PML: variants seen among roughly 807,000 people sequenced by gnomAD.
PML encodes PML nuclear body scaffold, also known as protein PML.
In PML, 28 loss-of-function variants were observed where a neutral mutation model predicts 65.2. That is an observed-to-expected ratio of 0.43 (90% CI 0.32 to 0.59). The LOEUF is 0.59. PML is among the 20% of genes least tolerant of loss of function. PML has a pLI of 0.08. For synonymous variants in PML, 500 were observed against 508.8 expected, an observed-to-expected ratio of 0.98 and a Z score of 0.23; for missense variants, 1,021 against 1,203.4, an observed-to-expected ratio of 0.85 and a Z score of 2.24.
intron 1 of PML, among the ~76,000 whole-genome samples, 194 bp from the exon 2 acceptor site, chr15:73,997,810 G>A (rs1162360391): frequency 6.6e-6 from 1 of 152,198 alleles, no homozygotes; most frequent in Non-Finnish European, 1.5e-5. Flanking sequence ...CTCAATAAAT[G>A]GTGCAGTGAG....
chr15:74,039,694 A>G (rs1390989245), intron 7 of PML, among the ~76,000 whole-genome samples: 1 of 152,164 alleles, frequency 6.6e-6, no homozygotes, highest in Non-Finnish European at 1.5e-5. Flanking sequence ...CCTGGGCCTC[A>G]GTTTTTTCTT....
At chr15:74,010,982 A>G (rs997339650) in intron 2 of PML, among the ~76,000 whole-genome samples, 1 of 152,220 alleles carries the variant, frequency 6.6e-6, no homozygotes, top group Non-Finnish European at 1.5e-5. Flanking sequence ...CTTAAGCAAA[A>G]GCTGGATTGA....
Position 74,042,910 on chromosome 15 carries a change from A to G in PML, c.1711-79A>G. 1 of 1,609,870 alleles carries G rather than the reference A, an allele frequency of 6.2e-7. No individual in the cohort carries two copies. Among genetic ancestry groups the G allele is most frequent in the Non-Finnish European group, 8.5e-7 (1 of 1,179,748 alleles). On this transcript the variant is annotated intron_variant, in intron 7 of 8. Transcript: ENST00000268058. This position sits in a 1 kb window ranked among gnomAD's most constrained non-coding sequence, Gnocchi z 5.3. ...CATGTGCACGCAGATGCTCCCAGCT[A>G]TACCAGCTTGCTAGTGTTCTGCACA...
At chr15:74,008,183 C>T (rs939173641) in intron 2 of PML, among the ~76,000 whole-genome samples, 2 of 152,108 alleles carry the variant, frequency 1.3e-5, no homozygotes, top group African/African-American at 4.8e-5. Context: ...AGGGACTGCA[C>T]GTGCAAGGAA....
intron 6 of PML, chr15:74,033,653 A>C (rs1306855736): frequency 4.4e-6 from 3 of 677,440 alleles, no homozygotes; most frequent in Non-Finnish European, 8.2e-6. Flanking sequence ...CAGTTCTATG[A>C]GTCCTTTCTC....
rs972811873 is a variant in PML at position 74,035,993 on chromosome 15, G to A, written c.1710+1463G>A. The A allele has an allele frequency of 6.2e-6, 10 of 1,613,944 alleles. No homozygotes were observed. The highest frequency in any genetic ancestry group is 1.3e-5 in the African/African-American group (1 of 74,914). Reference sequence around the variant, plus strand: ...TTGTAACCTTGCAGCCAACACCCCTGCCCGGCCCCTGAGCTGCCTCCTCCA... The same window carrying A: ...TTGTAACCTTGCAGCCAACACCCCTACCCGGCCCCTGAGCTGCCTCCTCCA... On this transcript the variant is annotated intron_variant, in intron 7 of 8. Transcript: ENST00000268058. The surrounding 1 kb of genome is among the most constrained non-coding windows in gnomAD (Gnocchi z 4.1).
At chr15:74,033,474 C>A in intron 6 of PML, 60 bp downstream of exon 6, 2 of 1,591,498 alleles carry the variant, frequency 1.3e-6, no homozygotes, top group Non-Finnish European at 8.6e-7. Context: ...GGCGGTGCCC[C>A]TCTTCTGTAT....
At chr15:74,019,766 T>C (rs989228819) in intron 2 of PML, among the ~76,000 whole-genome samples, 1 of 152,236 alleles carries the variant, frequency 6.6e-6, no homozygotes, top group African/African-American at 2.4e-5. Flanking sequence ...CAAACTTTTA[T>C]CCATATATTA....
intron 7 of PML, chr15:74,036,304 C>G (rs2071558368): frequency 2.1e-6 from 3 of 1,449,360 alleles, no homozygotes; most frequent in African/African-American, 2.8e-5. Flanking sequence ...TCCACTAGGC[C>G]TCTGCCAGGA....
chr15:74,030,761 T>TTC (rs2071284733), intron 4 of PML, among the ~76,000 whole-genome samples: 1 of 152,198 alleles, frequency 6.6e-6, no homozygotes, highest in South Asian at 2.1e-4. Context: ...CTCCGTTTCC[T>TTC]TCTCTGAAGA....
At position 73,998,479 on chromosome 15, in the gene PML, G is replaced by A. The variant is rs762034131; in HGVS notation, c.602+3G>A. On this transcript the variant is annotated splice_donor_region_variant and intron_variant, in intron 2 of 8. Coordinates refer to ENST00000268058, the MANE Select transcript of PML (RefSeq NM_033238.3). Reference sequence around the variant, plus strand: ...CACCGCACCCCTACGCTGACCAGGTGAGTAGGCCGGCACAGGGTGGGGTGG... The same window carrying A: ...CACCGCACCCCTACGCTGACCAGGTAAGTAGGCCGGCACAGGGTGGGGTGG... 6.2e-7 allele frequency: 1 copy of A among 1,612,646 alleles called. No homozygotes were observed.
At chr15:74,017,153 T>C (rs2070631022) in intron 2 of PML, among the ~76,000 whole-genome samples, 1 of 152,190 alleles carries the variant, frequency 6.6e-6, no homozygotes, top group Non-Finnish European at 1.5e-5. Context: ...AATTATAGTG[T>C]CTTTACTATG....
chr15:73,995,706 GTTT>G (rs1042116930), intron 1 of PML, among the ~76,000 whole-genome samples: 3 of 151,374 alleles, frequency 2.0e-5, no homozygotes, highest in South Asian at 4.2e-4. Flanking sequence ...AAGCACTTTG[GTTT>G]TTTTTTGTTG....
chr15:73,994,805 T>C lies in PML; in HGVS notation c.-8T>C. 1 of 1,552,728 alleles carries C rather than the reference T, an allele frequency of 6.4e-7. No homozygotes were observed. Among genetic ancestry groups the C allele is most frequent in the Non-Finnish European group, 8.7e-7 (1 of 1,147,966 alleles). ...TCTAAACCGAGAATCGAAACTAAGC[T>C]GGGGTCCATGGAGCCTGCACCCGCC... On this transcript the variant is annotated 5_prime_UTR_variant, in exon 1 of 9. Transcript: ENST00000268058.
chr15:74,021,989 C>G (rs919774852), intron 2 of PML, among the ~76,000 whole-genome samples: 1 of 152,162 alleles, frequency 6.6e-6, no homozygotes, highest in African/African-American at 2.4e-5. Context: ...CGGAGTTTTG[C>G]TCTTGTTGCC....
intron 4 of PML, among the ~76,000 whole-genome samples, chr15:74,031,075 T>C (rs1425384850): frequency 6.6e-6 from 1 of 152,000 alleles, no homozygotes; most frequent in Non-Finnish European, 1.5e-5. Flanking sequence ...TTGCCACCTA[T>C]CTAGCCCCAG....
chr15:74,034,582 T>C (rs2071462271), intron 7 of PML, 52 bp downstream of exon 7: 3 of 1,613,994 alleles, frequency 1.9e-6, no homozygotes, highest in Non-Finnish European at 2.5e-6. Flanking sequence ...CCATTTCAGG[T>C]CCCAGGGGGC....
intron 6 of PML, chr15:74,034,123 A>C (rs2071437039): frequency 2.5e-6 from 1 of 404,198 alleles, no homozygotes; most frequent in Non-Finnish European, 4.6e-6. Context: ...ATCCCAGCTC[A>C]TGGAGCTGAG....
chr15:74,021,076 G>A (rs1370988260), intron 2 of PML, among the ~76,000 whole-genome samples: 1 of 152,174 alleles, frequency 6.6e-6, no homozygotes, highest in East Asian at 1.9e-4. Flanking sequence ...CCACTATTCT[G>A]CTACTACAGT....
Sources: allele counts gnomAD v4.1 joint callset (sites outside exome capture counted in the v4.1 genomes callset), GRCh38; gene constraint gnomAD v4.1.1; non-coding constraint Gnocchi (gnomAD v3.1); transcripts MANE v1.5; gene names NCBI Gene and HGNC (gene_info 2026-07-23, HGNC 2026-07-21).